Variants in CHSY3 observed in about 807,000 individuals in gnomAD.
CHSY3 encodes chondroitin sulfate synthase 3, also known as N-acetylgalactosaminyl-proteoglycan 3-beta-glucuronosyltransferase 3.
Under a neutral mutation model 67.2 loss-of-function variants are expected in CHSY3, and 35 were observed. The observed-to-expected ratio is 0.52, with a 90% CI of 0.40 to 0.69. The LOEUF (loss-of-function observed/expected upper bound fraction) is 0.69. Ranked by LOEUF, CHSY3 falls within the 30% of genes least tolerant of loss-of-function variation. CHSY3 has a pLI of 0.00. For missense variants in CHSY3, 1,069 were observed against 1,138.5 expected (o/e 0.94, Z 0.88); for synonymous variants, 474 against 434.7 (o/e 1.09, Z -1.12).
intron 2 of CHSY3, among the ~76,000 whole-genome samples, chr5:129,977,294 A>G (rs564874878): frequency 3.9e-5 from 6 of 152,292 alleles, no homozygotes; most frequent in Admixed American, 3.9e-4. Context: ...GGATAGGTAT[A>G]TTTTCAATTA....
chr5:130,181,298 T>C (rs1446017238), intron 2 of CHSY3, among the ~76,000 whole-genome samples: 1 of 152,234 alleles, frequency 6.6e-6, no homozygotes, highest in Non-Finnish European at 1.5e-5. Context: ...AAATAAATTT[T>C]ACACATATTT....
At chr5:130,058,307 A>T (rs1162257959) in intron 2 of CHSY3, among the ~76,000 whole-genome samples, 2 of 152,178 alleles carry the variant, frequency 1.3e-5, no homozygotes, top group African/African-American at 2.4e-5. Flanking sequence ...GAAAGATGAT[A>T]TCATACAATA....
chr5:130,067,955 T>C (rs529285603), intron 2 of CHSY3, among the ~76,000 whole-genome samples: 8 of 152,184 alleles, frequency 5.3e-5, no homozygotes, highest in Non-Finnish European at 1.0e-4. Flanking sequence ...GAAAGTTTAA[T>C]GTTTGTTGGT....
intron 2 of CHSY3, among the ~76,000 whole-genome samples, chr5:130,025,598 T>C (rs1764519211): frequency 6.6e-6 from 1 of 152,146 alleles, no homozygotes; most frequent in Admixed American, 6.6e-5. Flanking sequence ...TTTCTCACTG[T>C]TCTGGAGGCT....
chr5:129,977,334 G>A (rs997358477), intron 2 of CHSY3, among the ~76,000 whole-genome samples: 2 of 152,112 alleles, frequency 1.3e-5, no homozygotes, highest in Non-Finnish European at 2.9e-5. Context: ...TAAAGCATAA[G>A]CAATCCTTTA....
intron 2 of CHSY3, among the ~76,000 whole-genome samples, chr5:130,142,914 C>T (rs1022634953): frequency 3.3e-5 from 5 of 152,020 alleles, no homozygotes; most frequent in South Asian, 4.1e-4. Flanking sequence ...AAAGGAGGAG[C>T]GAGCCAGAGG....
At chr5:130,127,060 T>G (rs1768316653) in intron 2 of CHSY3, among the ~76,000 whole-genome samples, 1 of 152,202 alleles carries the variant, frequency 6.6e-6, no homozygotes, top group East Asian at 1.9e-4. Context: ...TATTTTCCTC[T>G]GATACATATG....
At chr5:130,130,932 T>G (rs1320667711) in intron 2 of CHSY3, among the ~76,000 whole-genome samples, 1 of 152,166 alleles carries the variant, frequency 6.6e-6, no homozygotes, top group Non-Finnish European at 1.5e-5. Flanking sequence ...CTGGGTATGA[T>G]TCTCCATAAC....
At chr5:130,161,196 G>A (rs113928367) in intron 2 of CHSY3, among the ~76,000 whole-genome samples, 2,001 of 152,076 alleles carry the variant, frequency 0.013, 51 homozygotes, top group African/African-American at 0.046. Flanking sequence ...GAGCCACCAC[G>A]ACCAGCCGAT....
intron 2 of CHSY3, among the ~76,000 whole-genome samples, chr5:129,934,447 G>T (rs1761424351): frequency 6.6e-6 from 1 of 152,162 alleles, no homozygotes; most frequent in East Asian, 1.9e-4. Context: ...CCAGTTGATA[G>T]GCATAGAGTA....
chr5:129,923,895 G>T (rs1289438936), intron 2 of CHSY3, among the ~76,000 whole-genome samples: 1 of 152,078 alleles, frequency 6.6e-6, no homozygotes, highest in Non-Finnish European at 1.5e-5. Flanking sequence ...AGGCAGGCAG[G>T]GGTACAAATC....
chr5:129,904,717 C>T lies in CHSY3; in HGVS notation c.-113C>T. On this transcript the variant is annotated 5_prime_UTR_variant, in exon 1 of 3. Coordinates refer to ENST00000305031, the MANE Select transcript of CHSY3 (RefSeq NM_175856.5). ...CAGCCGGTGTCGGCGCCTAGGCGGC[C>T]GGCTGCGGCCGCGGCTGGGGGCGCA... The T allele has an allele frequency of 3.3e-6, 4 of 1,223,484 alleles. No individual in the cohort carries two copies. Among genetic ancestry groups the T allele is most frequent in the Non-Finnish European group, 3.1e-6 (3 of 982,904 alleles). 75.8% of individuals were successfully genotyped at this position (1,223,484 alleles called of 1,614,324 possible). A position where few individuals can be genotyped will look rare whatever the true frequency, so the allele number is the denominator to read the frequency against.
At chr5:130,012,373 T>A (rs1056191638) in intron 2 of CHSY3, among the ~76,000 whole-genome samples, 2 of 152,206 alleles carry the variant, frequency 1.3e-5, no homozygotes, top group Non-Finnish European at 1.5e-5. Flanking sequence ...TACATAATAC[T>A]GGGTAGCTGG....
At chr5:129,953,942 T>A (rs1762097792) in intron 2 of CHSY3, among the ~76,000 whole-genome samples, 1 of 152,190 alleles carries the variant, frequency 6.6e-6, no homozygotes, top group Non-Finnish European at 1.5e-5. Flanking sequence ...CTGTTCACTC[T>A]GATGATACTT....
intron 2 of CHSY3, among the ~76,000 whole-genome samples, chr5:130,064,217 T>C (rs981528854): frequency 6.6e-6 from 1 of 152,046 alleles, no homozygotes; most frequent in Admixed American, 6.6e-5. Context: ...TCCCAACTAA[T>C]ATATTATTAG....
intron 2 of CHSY3, among the ~76,000 whole-genome samples, chr5:129,928,117 G>T (rs1761176532): frequency 6.6e-6 from 1 of 151,908 alleles, no homozygotes; most frequent in Non-Finnish European, 1.5e-5. Flanking sequence ...TGTCATGGGG[G>T]TTTGTTATAC....
At chr5:129,964,578 A>G (rs971328647) in intron 2 of CHSY3, among the ~76,000 whole-genome samples, 2 of 151,806 alleles carry the variant, frequency 1.3e-5, no homozygotes, top group Non-Finnish European at 2.9e-5. Context: ...CCCAGCTGGA[A>G]AACAATGCGC....
intron 2 of CHSY3, among the ~76,000 whole-genome samples, chr5:130,170,716 T>C: frequency 6.6e-6 from 1 of 152,190 alleles, no homozygotes; most frequent in Admixed American, 6.6e-5. Context: ...GTAGTTTTAA[T>C]TTGCATTTCT....
At chr5:129,980,982 G>A (rs1414022904) in intron 2 of CHSY3, among the ~76,000 whole-genome samples, 3 of 151,332 alleles carry the variant, frequency 2.0e-5, no homozygotes, top group Non-Finnish European at 4.4e-5. Flanking sequence ...CGAGGCGGGC[G>A]GATTACGAGG....
Sources: allele counts gnomAD v4.1 joint callset (sites outside exome capture counted in the v4.1 genomes callset), GRCh38; gene constraint gnomAD v4.1.1; transcripts MANE v1.5; gene names NCBI Gene and HGNC (gene_info 2026-07-23, HGNC 2026-07-21).